PDE1A: variants seen among roughly 807,000 people sequenced by gnomAD.
PDE1A encodes the protein dual specificity calcium/calmodulin-dependent 3',5'-cyclic nucleotide phosphodiesterase 1A.
Under a neutral mutation model 61.7 loss-of-function variants are expected in PDE1A, and 35 were observed. The observed-to-expected ratio is 0.57, with a 90% CI of 0.43 to 0.75. PDE1A has a LOEUF of 0.75. PDE1A is among the 30% of genes least tolerant of loss of function. PDE1A has a pLI of 0.00. For synonymous variants in PDE1A, 232 were observed against 213.2 expected, an observed-to-expected ratio of 1.09 and a Z score of -0.77; for missense variants, 597 against 630.6, an observed-to-expected ratio of 0.95 and a Z score of 0.57.
the PDE1A span, among the ~76,000 whole-genome samples, chr2:182,602,029 C>A: frequency 6.6e-6 from 1 of 152,250 alleles, no homozygotes; most frequent in Non-Finnish European, 1.5e-5. Context: ...GGACCTTCCC[C>A]CTTCCACCCA....
chr2:182,146,463 C>T (rs1186433823), downstream of PDE1A, among the ~76,000 whole-genome samples: 1 of 151,992 alleles, frequency 6.6e-6, no homozygotes, highest in South Asian at 2.1e-4. Context: ...ATTAAACATC[C>T]CCATGAACGT....
chr2:182,625,397 G>C, the PDE1A span, among the ~76,000 whole-genome samples: 1 of 152,156 alleles, frequency 6.6e-6, no homozygotes, highest in Non-Finnish European at 1.5e-5. Flanking sequence ...TGGAGAAATA[G>C]GTAGTTAGTT....
At chr2:182,441,242 C>A (rs759725262) in intron 2 of PDE1A, among the ~76,000 whole-genome samples, 4 of 152,052 alleles carry the variant, frequency 2.6e-5, no homozygotes, top group Non-Finnish European at 5.9e-5. Context: ...CTGGCCCCAT[C>A]CTTGACACAT....
At chr2:182,445,488 G>A (rs775220522) in intron 2 of PDE1A, among the ~76,000 whole-genome samples, 1 of 152,098 alleles carries the variant, frequency 6.6e-6, no homozygotes, top group Non-Finnish European at 1.5e-5. Context: ...TCCTTCAGGA[G>A]AGTTGAAACT....
intron 2 of PDE1A, among the ~76,000 whole-genome samples, chr2:182,467,328 G>A (rs190598626): frequency 9.9e-5 from 15 of 151,862 alleles, no homozygotes; most frequent in Admixed American, 9.2e-4. Flanking sequence ...CTAAATGAAA[G>A]GGGAAATTCC....
intron 13 of PDE1A, among the ~76,000 whole-genome samples, chr2:182,170,685 T>C (rs1033079931): frequency 1.3e-5 from 2 of 152,176 alleles, no homozygotes; most frequent in Non-Finnish European, 2.9e-5. Context: ...GATTTAGATA[T>C]GATAATATCT....
chr2:182,156,979 AT>A, intron 13 of PDE1A, among the ~76,000 whole-genome samples: 1 of 149,446 alleles, frequency 6.7e-6, no homozygotes, highest in East Asian at 2.0e-4. Flanking sequence ...TGAATTTTTT[AT>A]TTTTTTATTA....
At chr2:182,695,081 ATTG>A in the PDE1A span, among the ~76,000 whole-genome samples, 2 of 152,122 alleles carry the variant, frequency 1.3e-5, no homozygotes, top group Non-Finnish European at 2.9e-5. Flanking sequence ...GAGTATTCCT[ATTG>A]TTTTCTTTGA....
the PDE1A span, among the ~76,000 whole-genome samples, chr2:182,535,678 AATTT>A: frequency 1.8e-4 from 28 of 152,108 alleles, no homozygotes; most frequent in Middle Eastern, 3.2e-3. Flanking sequence ...GTATATAATT[AATTT>A]CTCAACCATT....
exon 10 of PDE1A, chr2:182,201,453 C>T (rs1321620913): frequency 1.2e-6 from 2 of 1,613,730 alleles, no homozygotes. Context: ...AGGAAAAACT[C>T]CTCCATTAGG....
intron 1 of PDE1A, among the ~76,000 whole-genome samples, chr2:182,421,055 T>C (rs1000799471): frequency 1.3e-5 from 2 of 152,172 alleles, no homozygotes; most frequent in Non-Finnish European, 2.9e-5. Context: ...CTACAGGTCG[T>C]CTTTTAAACA....
the PDE1A span, among the ~76,000 whole-genome samples, chr2:182,691,081 T>C: frequency 2.0e-5 from 3 of 152,186 alleles, no homozygotes; most frequent in African/African-American, 7.2e-5. Context: ...GAAGACTCAA[T>C]ATTGTGAAAA....
At chr2:182,294,071 G>A (rs887578393) in intron 1 of PDE1A, among the ~76,000 whole-genome samples, 1 of 152,198 alleles carries the variant, frequency 6.6e-6, no homozygotes, top group African/African-American at 2.4e-5. Context: ...TCTCTGGCAG[G>A]ACAAAGTGGA....
At chr2:182,488,005 T>C (rs995962370) in intron 2 of PDE1A, among the ~76,000 whole-genome samples, 2 of 152,206 alleles carry the variant, frequency 1.3e-5, no homozygotes, top group Admixed American at 6.5e-5. Flanking sequence ...TATAGTTTTC[T>C]TTTATAATAA....
chr2:182,635,355 A>T, the PDE1A span, among the ~76,000 whole-genome samples: 1,258 of 152,136 alleles, frequency 8.3e-3, 20 homozygotes, highest in African/African-American at 0.028. Flanking sequence ...GTTTATATAT[A>T]TAATTAATAC....
chr2:182,605,532 A>G, the PDE1A span, among the ~76,000 whole-genome samples: 9 of 152,374 alleles, frequency 5.9e-5, no homozygotes, highest in South Asian at 8.3e-4. Flanking sequence ...CACATCTCCA[A>G]TGGATGGCCT....
At chr2:182,180,917 C>T (rs984480003) in intron 13 of PDE1A, among the ~76,000 whole-genome samples, 2 of 151,808 alleles carry the variant, frequency 1.3e-5, no homozygotes, top group African/African-American at 4.8e-5. Context: ...AGTTCTTGTG[C>T]TGTGTTTTTC....
intron 2 of PDE1A, among the ~76,000 whole-genome samples, chr2:182,255,613 G>T (rs1286702440): frequency 6.6e-6 from 1 of 150,538 alleles, no homozygotes; most frequent in African/African-American, 2.4e-5. Flanking sequence ...CTGTGCACTA[G>T]TTAACTCCAA....
chr2:182,230,967 C>T (rs1689530422), intron 5 of PDE1A, 48 bp downstream of exon 5: 4 of 898,490 alleles, frequency 4.5e-6, no homozygotes, highest in Non-Finnish European at 5.3e-6. Context: ...CATTCTTACT[C>T]AAATAACCAA....
Sources: allele counts gnomAD v4.1 joint callset (sites outside exome capture counted in the v4.1 genomes callset), GRCh38; gene constraint gnomAD v4.1.1; transcripts MANE v1.5; gene names NCBI Gene and HGNC (gene_info 2026-07-23, HGNC 2026-07-21).